AFG2A: variants seen among roughly 807,000 people sequenced by gnomAD.
AFG2A encodes the protein AAA ATPase AFG2A.
At chr4:122,971,372 A>T in the AFG2A span, among the ~76,000 whole-genome samples, 1 of 152,116 alleles carries the variant, frequency 6.6e-6, no homozygotes, top group East Asian at 1.9e-4. Flanking sequence ...GCACCACTAC[A>T]CTCCAGACTG....
chr4:123,076,937 T>TG, the AFG2A span, among the ~76,000 whole-genome samples: 1 of 143,356 alleles, frequency 7.0e-6, no homozygotes, highest in African/African-American at 2.6e-5. Context: ...AAGATCATTT[T>TG]GGGGAAACTC....
the AFG2A span, among the ~76,000 whole-genome samples, chr4:123,098,112 T>C: frequency 6.6e-6 from 1 of 152,106 alleles, no homozygotes; most frequent in Non-Finnish European, 1.5e-5. Flanking sequence ...TTATATACTC[T>C]AGACCTTTGC....
chr4:123,185,409 A>G, the AFG2A span, among the ~76,000 whole-genome samples: 3 of 152,078 alleles, frequency 2.0e-5, no homozygotes, highest in South Asian at 2.1e-4. Context: ...TGTTTTACAT[A>G]TCATTTTATT....
the AFG2A span, among the ~76,000 whole-genome samples, chr4:123,269,328 TAAAAACTGTTACTGTAGC>T: frequency 6.6e-6 from 1 of 152,210 alleles, no homozygotes; most frequent in African/African-American, 2.4e-5. Flanking sequence ...CAGAGCAGTT[TAAAAACTGTTACTGTAGC>T]AAAAACACTG....
At chr4:123,199,763 C>CCCGG in the AFG2A span, among the ~76,000 whole-genome samples, 1 of 152,132 alleles carries the variant, frequency 6.6e-6, no homozygotes, top group Non-Finnish European at 1.5e-5. Context: ...AGCCACCACA[C>CCCGG]CCGGCCGATA....
the AFG2A span, among the ~76,000 whole-genome samples, chr4:123,165,340 A>G: frequency 3.9e-5 from 6 of 152,110 alleles, no homozygotes; most frequent in Admixed American, 3.9e-4. Context: ...AAATTATTGA[A>G]TCGTATGCTT....
chr4:122,986,200 T>A, the AFG2A span, among the ~76,000 whole-genome samples: 8 of 152,244 alleles, frequency 5.3e-5, no homozygotes, highest in African/African-American at 1.7e-4. Context: ...TATCACGTGG[T>A]CTGTTTTGGA....
At chr4:123,255,417 T>A in the AFG2A span, among the ~76,000 whole-genome samples, 1 of 151,270 alleles carries the variant, frequency 6.6e-6, no homozygotes, top group Non-Finnish European at 1.5e-5. Flanking sequence ...CTAGGGAGGC[T>A]GAGGCAGGAG....
At chr4:123,115,266 G>A in the AFG2A span, among the ~76,000 whole-genome samples, 4 of 152,128 alleles carry the variant, frequency 2.6e-5, no homozygotes, top group South Asian at 2.1e-4. Flanking sequence ...GGCAGATCGC[G>A]GGCCCCAAAC....
chr4:122,930,851 T>C, the AFG2A span, among the ~76,000 whole-genome samples: 6,261 of 152,278 alleles, frequency 0.041, 417 homozygotes, highest in African/African-American at 0.14. Flanking sequence ...AGGTGAGTAA[T>C]GATTGCTTAT....
chr4:123,003,981 G>A, the AFG2A span, among the ~76,000 whole-genome samples: 5 of 152,234 alleles, frequency 3.3e-5, no homozygotes, highest in Non-Finnish European at 7.3e-5. Flanking sequence ...CTTCTTGGCT[G>A]TTTTGTTTAC....
chr4:123,045,888 G>T, the AFG2A span, among the ~76,000 whole-genome samples: 1 of 152,046 alleles, frequency 6.6e-6, no homozygotes, highest in African/African-American at 2.4e-5. Flanking sequence ...CTGAGGTCAG[G>T]AGTTTGAGAC....
chr4:123,261,157 C>T, the AFG2A span, among the ~76,000 whole-genome samples: 3 of 152,190 alleles, frequency 2.0e-5, no homozygotes, highest in Non-Finnish European at 2.9e-5. Context: ...TTGGGGACTG[C>T]TGCTATGGAC....
At chr4:123,090,765 A>G in the AFG2A span, 1 of 1,576,510 alleles carries the variant, frequency 6.3e-7, no homozygotes, top group Non-Finnish European at 8.6e-7. Flanking sequence ...TGATTTTATC[A>G]GGTTTTTGTT....
chr4:122,954,998 C>T, the AFG2A span, among the ~76,000 whole-genome samples: 1 of 152,114 alleles, frequency 6.6e-6, no homozygotes, highest in Non-Finnish European at 1.5e-5. Context: ...GGTCTCGGTG[C>T]TCATGAAATT....
At chr4:123,052,196 G>C in the AFG2A span, among the ~76,000 whole-genome samples, 42 of 152,066 alleles carry the variant, frequency 2.8e-4, no homozygotes, top group South Asian at 6.6e-3. Context: ...CAAGCTCACT[G>C]ATTCTTTCTT....
the AFG2A span, among the ~76,000 whole-genome samples, chr4:123,221,768 T>C: frequency 2.0e-5 from 3 of 151,690 alleles, no homozygotes; most frequent in African/African-American, 7.3e-5. Context: ...CTACTAAAAA[T>C]ACAAAAAAAT....
the AFG2A span, among the ~76,000 whole-genome samples, chr4:122,945,539 C>T: frequency 1.3e-5 from 2 of 152,218 alleles, no homozygotes; most frequent in African/African-American, 4.8e-5. Context: ...ATTCCAGGTG[C>T]TGTCTGTCAC....
the AFG2A span, among the ~76,000 whole-genome samples, chr4:123,283,710 A>C: frequency 1.3e-5 from 2 of 152,206 alleles, no homozygotes; most frequent in Non-Finnish European, 2.9e-5. Context: ...ACACATGAAA[A>C]ATGTATGAAA....
Sources: allele counts gnomAD v4.1 joint callset (sites outside exome capture counted in the v4.1 genomes callset), GRCh38; gene constraint gnomAD v4.1.1; transcripts MANE v1.5; gene names NCBI Gene and HGNC (gene_info 2026-07-23, HGNC 2026-07-21).